The following C2orf92 variants were observed in gnomAD, a reference collection of about 807,000 sequenced individuals.
C2orf92 encodes chromosome 2 open reading frame 92.
chr2:97,689,950 G>A (rs7425742), intron 4 of C2orf92, among the ~76,000 whole-genome samples: 1,628 of 152,100 alleles, frequency 0.011, 14 homozygotes, highest in Non-Finnish European at 0.015. Flanking sequence ...CCAACATGGC[G>A]AAACCCTGTC....
Position 97,675,938 on chromosome 2 carries a change from C to T in C2orf92, c.232+10C>T, listed in dbSNP as rs1675562435. The stretch of plus-strand genomic sequence containing the variant: ...TTGGCTAAAATATTTGGTAAGTAGC[C>T]TCCTGCTATGAAGCCTTTAGCCTGT... On this transcript the variant is annotated intron_variant, in intron 3 of 7. Coordinates refer to ENST00000627399, the MANE Select transcript of C2orf92 (RefSeq NM_001351368.2). The T allele has an allele frequency of 5.0e-6, 2 of 398,582 alleles. No homozygotes were observed. Among genetic ancestry groups the T allele is most frequent in the Non-Finnish European group, 4.4e-6 (1 of 226,076 alleles). The allele number at this position is 398,582 out of a possible 1,614,324, so 24.7% of individuals were successfully genotyped here.
intron 3 of C2orf92, among the ~76,000 whole-genome samples, chr2:97,680,020 C>T (rs1484343461): frequency 6.6e-6 from 1 of 152,144 alleles, no homozygotes. Context: ...AGCAAAATGG[C>T]TGAGCCTGGT....
chr2:97,675,852 C>G lies in C2orf92; in HGVS notation c.156C>G (p.Ser52=), dbSNP rs1365420915. Residue 52 remains serine (S), a synonymous_variant, in exon 3 of 8, where the codon TCC becomes TCG. Transcript: ENST00000627399. ...ITKRDTQKSY[S]QQKSLNNAAF... ...TGGTTTATTTTCCCTTAGGCTATTC[C>G]CAACAGAAGAGCTTGAACAATGCTG... is the stretch of plus-strand genomic sequence containing the variant. 1 of 398,936 alleles carries G rather than the reference C, an allele frequency of 2.5e-6. No individual in the cohort carries two copies. Among genetic ancestry groups the G allele is most frequent in the Admixed American group, 4.4e-5 (1 of 22,718 alleles). The allele number at this position is 398,936 out of a possible 1,614,324, so 24.7% of individuals were successfully genotyped here. A position where few individuals can be genotyped will look rare whatever the true frequency, so the allele number is the denominator to read the frequency against.
rs1385734809 is a variant in C2orf92, at chr2:97,701,306, T to G, written c.665+2T>G. 1 of 398,918 alleles carries G rather than the reference T, an allele frequency of 2.5e-6. No homozygotes were observed. Among genetic ancestry groups the G allele is most frequent in the Non-Finnish European group, 4.4e-6 (1 of 226,058 alleles). The allele number at this position is 398,918 out of a possible 1,614,324, so 24.7% of individuals were successfully genotyped here. On this transcript the variant is annotated splice_donor_variant, in intron 7 of 7. Transcript: ENST00000627399. LOFTEE classifies it high-confidence loss of function. ...ATACATCAGGAAGAAACAGCCATCG[T>G]GCGTGGTGCTGGCATAACCTTCCTT...
In C2orf92 at chr2:97,699,331, C is replaced by T. The variant is rs891428594; in HGVS notation, c.514+195C>T. On this transcript the variant is annotated intron_variant, in intron 6 of 7. Coordinates refer to ENST00000627399, the MANE Select transcript of C2orf92 (RefSeq NM_001351368.2). ...ACTCCAGAGGCCGGGCACGGTGGCT[C>T]ACGCCTGTAATCCCAGCACTTTAGG... Among the ~76,000 whole-genome samples, 10 of 152,156 alleles carry T rather than the reference C, an allele frequency of 6.6e-5. No individual in the cohort carries two copies. In the East Asian group the frequency reaches 1.7e-3, roughly 26 times the overall value.
intron 5 of C2orf92, among the ~76,000 whole-genome samples, chr2:97,698,643 C>T (rs2104603868): frequency 6.6e-6 from 1 of 152,186 alleles, no homozygotes; most frequent in African/African-American, 2.4e-5. Context: ...TGGTCCTCTA[C>T]CCACAGAAGC....
chr2:97,678,609 C>T (rs913426738), intron 3 of C2orf92, among the ~76,000 whole-genome samples: 2 of 152,032 alleles, frequency 1.3e-5, no homozygotes, highest in African/African-American at 4.8e-5. Flanking sequence ...ATTCACCACT[C>T]ATTTCTCCGC....
upstream of C2orf92, chr2:97,668,491 T>TGA (rs1675306299): frequency 1.3e-5 from 2 of 152,160 alleles, no homozygotes; most frequent in Non-Finnish European, 2.9e-5. Flanking sequence ...GATGGCCATC[T>TGA]GAGCCCACGT....
upstream of C2orf92, chr2:97,664,165 C>T (rs1395361293): frequency 6.0e-5 from 13 of 216,610 alleles, no homozygotes; most frequent in East Asian, 1.2e-3. Context: ...TGAGGTCGTC[C>T]GGAAAAAAGT....
intron 2 of C2orf92, chr2:97,675,598 C>T (rs540299347): frequency 5.4e-5 from 20 of 369,862 alleles, no homozygotes; most frequent in African/African-American, 3.3e-4. Flanking sequence ...GTGCACAAAT[C>T]TCTCAATGCT....
chr2:97,691,883 C>G (rs954840013), intron 5 of C2orf92, among the ~76,000 whole-genome samples: 2 of 151,990 alleles, frequency 1.3e-5, no homozygotes, highest in Admixed American at 1.3e-4. Context: ...AGCGAAACTC[C>G]GTGCTGGGAT....
At chr2:97,669,529 C>G, upstream of C2orf92, 1 of 353,188 alleles carries the variant, frequency 2.8e-6, no homozygotes, top group Non-Finnish European at 5.1e-6. Context: ...GCCCTCAGGA[C>G]ATGCAGGATG....
chr2:97,695,521 A>G (rs763833832), intron 5 of C2orf92, among the ~76,000 whole-genome samples: 3 of 152,210 alleles, frequency 2.0e-5, no homozygotes, highest in Non-Finnish European at 4.4e-5. Flanking sequence ...TCACCCTTGA[A>G]TAAAAAATGC....
At chr2:97,702,313 C>A (rs1056704167) in intron 7 of C2orf92, 4 of 164,594 alleles carry the variant, frequency 2.4e-5, no homozygotes, top group Non-Finnish European at 5.2e-5. Flanking sequence ...AGGCCACCTC[C>A]CCCAACCCCC....
intron 3 of C2orf92, among the ~76,000 whole-genome samples, chr2:97,685,755 G>A (rs1310723774): frequency 6.6e-6 from 1 of 152,018 alleles, no homozygotes; most frequent in African/African-American, 2.4e-5. Flanking sequence ...TAGAGATGGG[G>A]TTTTGCCATG....
intron 3 of C2orf92, among the ~76,000 whole-genome samples, chr2:97,688,156 C>T (rs1178582457): frequency 1.3e-5 from 2 of 152,010 alleles, no homozygotes; most frequent in African/African-American, 4.8e-5. Context: ...ACTCGTAGGT[C>T]AGCATGGTCA....
At chr2:97,678,721 G>A (rs931644935) in intron 3 of C2orf92, among the ~76,000 whole-genome samples, 2 of 150,898 alleles carry the variant, frequency 1.3e-5, no homozygotes, top group African/African-American at 4.9e-5. Context: ...TGTAATCCCA[G>A]CACTTTGGGA....
intron 5 of C2orf92, chr2:97,694,529 G>A (rs1676247132): frequency 6.6e-6 from 1 of 151,672 alleles, no homozygotes; most frequent in African/African-American, 2.4e-5. Flanking sequence ...CAAAGTGCTG[G>A]GATTACAGGC....
rs115563173 is a variant in C2orf92, at chr2:97,679,557, C to T, written c.232+3629C>T. ...GGAACAAAAGAGTAAAAGAAAGAGT[C>T]GAAGCCAGGCAGGGTGGCTTATGCC... is the stretch of plus-strand genomic sequence containing the variant. On this transcript the variant is annotated intron_variant, in intron 3 of 7. Coordinates refer to ENST00000627399, the MANE Select transcript of C2orf92 (RefSeq NM_001351368.2). Among the ~76,000 whole-genome samples, 1,444 of 151,906 alleles carry T rather than the reference C, an allele frequency of 9.5e-3. 27 individuals are homozygous for T. The highest frequency in any genetic ancestry group is 0.034 in the African/African-American group (1,400 of 41,438).
Sources: allele counts gnomAD v4.1 joint callset (sites outside exome capture counted in the v4.1 genomes callset), GRCh38; gene constraint gnomAD v4.1.1; transcripts MANE v1.5; gene names NCBI Gene and HGNC (gene_info 2026-07-23, HGNC 2026-07-21).